The following PALLD variants were observed in gnomAD, a reference collection of about 807,000 sequenced individuals.
PALLD encodes the protein palladin, cytoskeletal associated protein.
PALLD carries 61 observed loss-of-function variants against 123.5 expected under a neutral mutation model. The ratio of observed to expected loss-of-function variants is 0.49; its 90% confidence interval spans 0.40 to 0.61. The LOEUF is 0.61. PALLD is among the 20% of genes least tolerant of loss of function. The pLI is 0.00. For missense variants in PALLD, 1,273 were observed against 1,377.0 expected (o/e 0.92, Z 1.20); for synonymous variants, 465 against 496.4 (o/e 0.94, Z 0.84).
In PALLD at chr4:168,612,942, G is replaced by T. The variant is rs185264294; in HGVS notation, c.909-55248G>T. Among the ~76,000 whole-genome samples the T allele has an allele frequency of 7.6e-4, 115 of 152,278 alleles. 1 individual carries two copies. Among genetic ancestry groups the T allele is most frequent in the Non-Finnish European group, 6.8e-4 (46 of 68,012 alleles). ...AGCTTTCTGGACTATGCCCTCACTG[G>T]ATTCGGAACTACCAGGCTTTCATCA... is the stretch of plus-strand genomic sequence containing the variant. On this transcript the variant is annotated intron_variant, in intron 2 of 21. Transcript: ENST00000505667.
At chr4:168,678,954 G>T (rs890859692) in intron 3 of PALLD, among the ~76,000 whole-genome samples, 6 of 148,636 alleles carry the variant, frequency 4.0e-5, no homozygotes, top group South Asian at 2.2e-4. Context: ...TGTGGTGTGT[G>T]TGTGGGTGTG....
intron 2 of PALLD, among the ~76,000 whole-genome samples, chr4:168,634,242 T>C (rs1391822826): frequency 2.0e-5 from 3 of 152,224 alleles, no homozygotes; most frequent in Non-Finnish European, 4.4e-5. Context: ...TCGTAACACA[T>C]ATTATAAAAT....
chr4:168,608,748 C>T (rs929009811), intron 2 of PALLD, among the ~76,000 whole-genome samples: 1 of 151,974 alleles, frequency 6.6e-6, no homozygotes, highest in South Asian at 2.1e-4. Flanking sequence ...CTATGAATCA[C>T]TCTGGCATTT....
At chr4:168,709,546 GGAAGGAAGGAAGGAAGGA>G (rs1784551449) in intron 9 of PALLD, among the ~76,000 whole-genome samples, 16 of 738 alleles carry the variant, frequency 0.022, no homozygotes, top group Admixed American at 0.048. Flanking sequence ...AAGGAAGGAA[GGAAGGAAGGAAGGAAGGA>G]AGGAAGGAAG....
chr4:168,769,433 GTC>G (rs896007483), intron 10 of PALLD, among the ~76,000 whole-genome samples: 1 of 152,198 alleles, frequency 6.6e-6, no homozygotes, highest in Non-Finnish European at 1.5e-5. Context: ...GGAGAGCAGA[GTC>G]TGGGAACTCT....
intron 14 of PALLD, among the ~76,000 whole-genome samples, chr4:168,901,549 T>C (rs1756516138): frequency 6.6e-6 from 1 of 152,186 alleles, no homozygotes; most frequent in Admixed American, 6.5e-5. Flanking sequence ...TTACAGCTTC[T>C]TTTTTCCATC....
intron 9 of PALLD, among the ~76,000 whole-genome samples, chr4:168,709,820 A>G (rs953388292): frequency 6.6e-6 from 1 of 152,024 alleles, no homozygotes; most frequent in African/African-American, 2.4e-5. Context: ...TCGTGTAGCA[A>G]CTGAACACAC....
At chr4:168,558,246 G>C (rs1219792809) in intron 2 of PALLD, among the ~76,000 whole-genome samples, 2 of 152,146 alleles carry the variant, frequency 1.3e-5, no homozygotes, top group Non-Finnish European at 2.9e-5. Flanking sequence ...GTGAAAACCA[G>C]TGCTGGCAGA....
intron 10 of PALLD, among the ~76,000 whole-genome samples, chr4:168,856,491 A>T (rs1367494788): frequency 6.6e-6 from 1 of 152,148 alleles, no homozygotes; most frequent in African/African-American, 2.4e-5. Flanking sequence ...CCTTTTCTCC[A>T]CATCCTGGCC....
At chr4:168,783,474 G>C (rs901501434) in intron 10 of PALLD, among the ~76,000 whole-genome samples, 3 of 152,026 alleles carry the variant, frequency 2.0e-5, no homozygotes, top group African/African-American at 7.2e-5. Flanking sequence ...GAGCATCTAG[G>C]GGAGAGGTGA....
chr4:168,691,120 A>G (rs910563859), intron 7 of PALLD, 149 bp from the exon 8 acceptor site: 40 of 676,800 alleles, frequency 5.9e-5, no homozygotes, highest in Non-Finnish European at 1.1e-4. Context: ...CTATCACTTT[A>G]TATCTTTTGT....
intron 2 of PALLD, among the ~76,000 whole-genome samples, chr4:168,625,128 T>C (rs1775110677): frequency 1.3e-5 from 2 of 152,012 alleles, no homozygotes; most frequent in Admixed American, 1.3e-4. Context: ...AAATGTATAA[T>C]AGAAGTGATT....
intron 2 of PALLD, among the ~76,000 whole-genome samples, chr4:168,579,201 T>C (rs1188812587): frequency 6.6e-6 from 1 of 152,184 alleles, no homozygotes; most frequent in African/African-American, 2.4e-5. Flanking sequence ...AATAGTGCCA[T>C]GTAAAGTGCA....
chr4:168,917,050 T>G (rs6835630), intron 17 of PALLD, among the ~76,000 whole-genome samples: 69,872 of 118,042 alleles, frequency 0.59, 20,363 homozygotes, highest in East Asian at 0.83. Context: ...TTTTTTGGGG[T>G]TTTTTTTTTT....
At chr4:168,634,427 C>T (rs1210147323) in intron 2 of PALLD, among the ~76,000 whole-genome samples, 10 of 152,188 alleles carry the variant, frequency 6.6e-5, no homozygotes, top group South Asian at 2.1e-4. Context: ...TGAATGTTTT[C>T]GTAAGAAAAG....
rs550728946 is a variant in PALLD at position 168,838,910 on chromosome 4, G to A, written c.1965-52012G>A. 5.3e-5 allele frequency among the ~76,000 whole-genome samples: 8 copies of A among 152,076 alleles called. No individual in the cohort carries two copies. In the East Asian group the frequency reaches 1.5e-3, roughly 29 times the overall value. ...AGCAATTACTGTTAATTATTTCATT[G>A]AGTTAATCTCATTCCCATAACGGAT... On this transcript the variant is annotated intron_variant, in intron 10 of 21. Transcript: ENST00000505667.
chr4:168,766,132 G>C (rs1733628906), intron 10 of PALLD, among the ~76,000 whole-genome samples: 1 of 152,166 alleles, frequency 6.6e-6, no homozygotes, highest in Non-Finnish European at 1.5e-5. Flanking sequence ...CCAAATGTGA[G>C]GTGTGGGAGT....
At chr4:168,572,790 A>T (rs747655992) in intron 2 of PALLD, among the ~76,000 whole-genome samples, 3 of 151,620 alleles carry the variant, frequency 2.0e-5, no homozygotes, top group Non-Finnish European at 2.9e-5. Context: ...CCATCCTTCC[A>T]CGGACATCAG....
chr4:168,851,835 G>A (rs747264453), intron 10 of PALLD, among the ~76,000 whole-genome samples: 3 of 152,186 alleles, frequency 2.0e-5, no homozygotes, highest in Admixed American at 1.3e-4. Context: ...ATAATCTAAT[G>A]TTGAAGCAGT....
Sources: gnomAD v4.1 joint callset for allele counts (sites outside exome capture counted in the v4.1 genomes callset) on GRCh38, gnomAD v4.1.1 for gene constraint, MANE v1.5 for transcripts, NCBI Gene and HGNC (gene_info 2026-07-23, HGNC 2026-07-21) for gene names.